Variants in TPTE2 observed in about 807,000 individuals in gnomAD.
TPTE2 encodes the protein phosphatidylinositol 3,4,5-trisphosphate 3-phosphatase TPTE2.
Under a neutral mutation model 78.6 loss-of-function variants are expected in TPTE2, and 53 were observed. The ratio of observed to expected loss-of-function variants is 0.67; its 90% CI spans 0.54 to 0.85. The LOEUF (loss-of-function observed/expected upper bound fraction) is 0.85. TPTE2 is among the 40% of genes least tolerant of loss of function. TPTE2 has a pLI of 0.00. For missense variants in TPTE2, 461 were observed against 623.0 expected (o/e 0.74, Z 2.77); for synonymous variants, 175 against 206.2 (o/e 0.85, Z 1.30).
At chr13:19,538,865 C>T (rs1289747087), upstream of TPTE2, among the ~76,000 whole-genome samples, 1 of 152,094 alleles carries the variant, frequency 6.6e-6, no homozygotes, top group Non-Finnish European at 1.5e-5. Context: ...ATAAATCCGA[C>T]AGAATTGGAT....
intron 17 of TPTE2, among the ~76,000 whole-genome samples, chr13:19,429,919 G>A (rs1048216957): frequency 7.9e-5 from 12 of 152,184 alleles, no homozygotes; most frequent in African/African-American, 1.2e-4. Flanking sequence ...TCACCCTTGC[G>A]TTGTTTCTCA....
intron 3 of TPTE2, among the ~76,000 whole-genome samples, chr13:19,491,600 TG>T (rs978448039): frequency 2.6e-5 from 4 of 151,794 alleles, no homozygotes; most frequent in African/African-American, 9.7e-5. Flanking sequence ...CTAAGGCGGG[TG>T]GATCACGAGG....
intron 10 of TPTE2, among the ~76,000 whole-genome samples, chr13:19,452,446 C>T (rs1014794911): frequency 2.6e-5 from 4 of 152,128 alleles, no homozygotes; most frequent in African/African-American, 7.2e-5. Context: ...GGGACTATGC[C>T]TAGTATGATA....
exon 14 of TPTE2, chr13:19,438,095 G>A (rs374117695): frequency 4.4e-6 from 7 of 1,605,520 alleles, no homozygotes; most frequent in Non-Finnish European, 5.1e-6. Context: ...TTCATACCTC[G>A]GCAGTTAAAA....
chr13:19,524,963 C>G (rs1188612629), intron 1 of TPTE2, among the ~76,000 whole-genome samples: 1 of 152,102 alleles, frequency 6.6e-6, no homozygotes, highest in Non-Finnish European at 1.5e-5. Flanking sequence ...GAAGTACAGA[C>G]ATTATTTCAT....
chr13:19,428,618 CA>C (rs1300523561), intron 17 of TPTE2, among the ~76,000 whole-genome samples: 1 of 150,724 alleles, frequency 6.6e-6, no homozygotes, highest in African/African-American at 2.4e-5. Flanking sequence ...CCAGGCTCTA[CA>C]AAAAATAAAA....
intron 1 of TPTE2, among the ~76,000 whole-genome samples, chr13:19,529,865 A>C (rs1870756422): frequency 6.6e-6 from 1 of 152,162 alleles, no homozygotes; most frequent in African/African-American, 2.4e-5. Context: ...GGCCACTATG[A>C]CATTTGCTCC....
intron 18 of TPTE2, 118 bp downstream of exon 21, chr13:19,426,307 G>C (rs777999083): frequency 1.6e-5 from 12 of 746,510 alleles, no homozygotes; most frequent in Non-Finnish European, 2.9e-5. Flanking sequence ...TTATAGATCT[G>C]ATTTATTGTT....
At chr13:19,547,573 G>C in the TPTE2 span, among the ~76,000 whole-genome samples, 3 of 151,940 alleles carry the variant, frequency 2.0e-5, no homozygotes, top group Non-Finnish European at 4.4e-5. Flanking sequence ...ATCTACTATA[G>C]CTCCATTATT....
At chr13:19,481,826 A>G (rs1461990470) in intron 4 of TPTE2, among the ~76,000 whole-genome samples, 1 of 152,106 alleles carries the variant, frequency 6.6e-6, no homozygotes, top group Non-Finnish European at 1.5e-5. Flanking sequence ...AACTTCCTCT[A>G]TGGCAGTACT....
At chr13:19,519,645 C>A (rs973076123) in intron 1 of TPTE2, among the ~76,000 whole-genome samples, 1 of 152,122 alleles carries the variant, frequency 6.6e-6, no homozygotes, top group Non-Finnish European at 1.5e-5. Context: ...ACATATCTAT[C>A]CTTATTCTAG....
chr13:19,430,894 A>G (rs921963367), intron 16 of TPTE2, among the ~76,000 whole-genome samples: 6 of 152,110 alleles, frequency 3.9e-5, no homozygotes, highest in African/African-American at 1.4e-4. Context: ...TGGGAGGGCG[A>G]GGTGGGTGGA....
upstream of TPTE2, among the ~76,000 whole-genome samples, chr13:19,537,233 ATT>A (rs542858008): frequency 8.5e-4 from 112 of 132,270 alleles, no homozygotes; most frequent in African/African-American, 2.6e-3. Context: ...CTTCTACTTG[ATT>A]TTTTTTTTTT....
At chr13:19,555,266 G>A in the TPTE2 span, among the ~76,000 whole-genome samples, 3 of 152,088 alleles carry the variant, frequency 2.0e-5, no homozygotes, top group Admixed American at 2.0e-4. Context: ...TATATTACCT[G>A]TCGACTCTAG....
At chr13:19,510,420 C>A (rs1869356902) in intron 1 of TPTE2, among the ~76,000 whole-genome samples, 1 of 147,494 alleles carries the variant, frequency 6.8e-6, no homozygotes, top group Non-Finnish European at 1.5e-5. Context: ...AGAGGGAAAG[C>A]AAGGTGGGGG....
In TPTE2 at chr13:19,503,214, C is replaced by T. The variant is rs1868740268; in HGVS notation, c.11+10G>A. On this transcript the variant is annotated intron_variant, in intron 1 of 19. Coordinates refer to ENST00000400230, the Ensembl canonical transcript of TPTE2. Reference sequence around the variant, plus strand: ...TTAGATAAATAAAGACACATGTATGCATAACTCACCTTTCATTCATACGTG... The same window carrying T: ...TTAGATAAATAAAGACACATGTATGTATAACTCACCTTTCATTCATACGTG... The T allele has an allele frequency of 1.2e-6, 2 of 1,613,606 alleles. No homozygotes were observed. Among genetic ancestry groups the T allele is most frequent in the Non-Finnish European group, 1.7e-6 (2 of 1,179,652 alleles).
At chr13:19,492,960 T>C in intron 2 of TPTE2, 57 bp from the exon 6 acceptor site, 8 of 1,607,434 alleles carry the variant, frequency 5.0e-6, no homozygotes, top group Non-Finnish European at 6.8e-6. Context: ...AATTTACTTT[T>C]TTGGAAAATT....
intron 1 of TPTE2, among the ~76,000 whole-genome samples, chr13:19,520,841 C>T (rs2137719049): frequency 6.6e-6 from 1 of 152,024 alleles, no homozygotes. Context: ...TCTTGGATTT[C>T]TTCTATGACC....
chr13:19,470,682 CA>C (rs1879556519), intron 6 of TPTE2, among the ~76,000 whole-genome samples: 2 of 151,340 alleles, frequency 1.3e-5, no homozygotes, highest in African/African-American at 2.4e-5. Flanking sequence ...CCCAGCACCA[CA>C]CCCAGCTAAT....
Sources: gnomAD v4.1 joint callset for allele counts (sites outside exome capture counted in the v4.1 genomes callset) on GRCh38, gnomAD v4.1.1 for gene constraint, MANE v1.5 for transcripts, NCBI Gene and HGNC (gene_info 2026-07-23, HGNC 2026-07-21) for gene names.